Variants in LRRC37A2 observed in about 807,000 individuals in gnomAD.
LRRC37A2 encodes leucine rich repeat containing 37 member A2, also known as leucine-rich repeat-containing protein 37A2.
LRRC37A2 carries 9 observed loss-of-function variants against 68.8 expected under a neutral mutation model. The ratio of observed to expected loss-of-function variants is 0.13; its 90% CI spans 0.08 to 0.23. The LOEUF is 0.23. Among genes scored for constraint, LRRC37A2 ranks in the 10% least tolerant of loss-of-function variants. The pLI is 1.00. For missense variants in LRRC37A2, 168 were observed against 950.4 expected, an observed-to-expected ratio of 0.18 and a Z score of 10.82; for synonymous variants, 63 against 367.6, an observed-to-expected ratio of 0.17 and a Z score of 9.48.
chr17:46,901,066 C>G, the LRRC37A2 span, among the ~76,000 whole-genome samples: 1 of 152,184 alleles, frequency 6.6e-6, no homozygotes, highest in East Asian at 1.9e-4. Context: ...ATCTGAAAAA[C>G]TGGTTTCTGA....
At chr17:46,799,046 CA>C in the LRRC37A2 span, among the ~76,000 whole-genome samples, 20,354 of 93,178 alleles carry the variant, frequency 0.22, 1,493 homozygotes, top group South Asian at 0.39. Flanking sequence ...GACTCCGTCT[CA>C]AAAAAAAAAA....
chr17:46,867,516 G>A, the LRRC37A2 span, among the ~76,000 whole-genome samples: 1 of 152,246 alleles, frequency 6.6e-6, no homozygotes, highest in African/African-American at 2.4e-5. Flanking sequence ...CTTGGGGCAT[G>A]AGATCCTTGG....
At chr17:46,868,191 G>A in the LRRC37A2 span, among the ~76,000 whole-genome samples, 1 of 152,180 alleles carries the variant, frequency 6.6e-6, no homozygotes, top group Non-Finnish European at 1.5e-5. Context: ...AGAGCAATTA[G>A]CAAGTTGGCA....
At chr17:46,497,153 C>A in the LRRC37A2 span, among the ~76,000 whole-genome samples, 4 of 106,720 alleles carry the variant, frequency 3.7e-5, no homozygotes, top group Non-Finnish European at 8.0e-5. Context: ...CTCAACCTCC[C>A]AAAACGCTGG....
the LRRC37A2 span, among the ~76,000 whole-genome samples, chr17:46,925,266 A>G: frequency 2.0e-5 from 3 of 152,226 alleles, no homozygotes; most frequent in African/African-American, 4.8e-5. Flanking sequence ...TTCCAGTACA[A>G]TTTTATTTAT....
At chr17:46,762,780 A>G in the LRRC37A2 span, 1 of 152,172 alleles carries the variant, frequency 6.6e-6, no homozygotes, top group Non-Finnish European at 1.5e-5. Flanking sequence ...GGCGAGAATC[A>G]TTACAATGCA....
chr17:47,007,470 G>A, the LRRC37A2 span, among the ~76,000 whole-genome samples: 3 of 152,160 alleles, frequency 2.0e-5, no homozygotes, highest in Non-Finnish European at 2.9e-5. Context: ...GAGCCACTGC[G>A]CCTGGCCGCA....
the LRRC37A2 span, among the ~76,000 whole-genome samples, chr17:46,922,569 T>C: frequency 6.6e-6 from 1 of 152,228 alleles, no homozygotes; most frequent in Non-Finnish European, 1.5e-5. Flanking sequence ...TCTTATTTCC[T>C]TTCCCAGACC....
At chr17:46,836,977 C>G in the LRRC37A2 span, among the ~76,000 whole-genome samples, 1 of 152,114 alleles carries the variant, frequency 6.6e-6, no homozygotes, top group South Asian at 2.1e-4. Context: ...GAGTCTCGCT[C>G]TGTCGCCCAG....
At chr17:46,635,818 T>TGTGTGTGTGTGTGTGTGC in the LRRC37A2 span, among the ~76,000 whole-genome samples, 1 of 138,360 alleles carries the variant, frequency 7.2e-6, no homozygotes, top group African/African-American at 2.7e-5. Context: ...TGTGTGTGTG[T>TGTGTGTGTGTGTGTGTGC]GCTCGTGTGT....
the LRRC37A2 span, chr17:46,923,222 G>A: frequency 2.6e-6 from 4 of 1,550,972 alleles, no homozygotes; most frequent in Non-Finnish European, 3.5e-6. Context: ...AAACGCACAA[G>A]TGAGGGCCGG....
the LRRC37A2 span, chr17:46,722,011 T>C: frequency 1.4e-5 from 22 of 1,608,376 alleles, 1 homozygote; most frequent in Middle Eastern, 1.3e-3. Context: ...CACCACCAAC[T>C]TCAGTTTCCT....
At chr17:46,891,355 GA>G in the LRRC37A2 span, among the ~76,000 whole-genome samples, 87 of 152,330 alleles carry the variant, frequency 5.7e-4, 2 homozygotes, top group South Asian at 0.017. Context: ...GGCTCAGAGA[GA>G]TGAAGCCTCT....
At chr17:46,492,786 C>T in the LRRC37A2 span, among the ~76,000 whole-genome samples, 11 of 147,844 alleles carry the variant, frequency 7.4e-5, no homozygotes, top group South Asian at 4.2e-4. Context: ...CTCCGCCTCC[C>T]GGGTTCATGC....
the LRRC37A2 span, chr17:46,875,070 C>T: frequency 4.3e-6 from 7 of 1,613,352 alleles, no homozygotes; most frequent in African/African-American, 6.7e-5. Context: ...CCCCTTTCCT[C>T]CCTCCCTATG....
the LRRC37A2 span, among the ~76,000 whole-genome samples, chr17:46,896,452 A>AAAAGAAAGAAAG: frequency 3.9e-3 from 258 of 65,870 alleles, 2 homozygotes; most frequent in African/African-American, 0.01. Flanking sequence ...GAAAGAAAGA[A>AAAAGAAAGAAAG]AAAGAAAGAA....
chr17:46,500,989 G>A, the LRRC37A2 span, among the ~76,000 whole-genome samples: 2 of 151,118 alleles, frequency 1.3e-5, no homozygotes, highest in Non-Finnish European at 2.9e-5. Flanking sequence ...AGACCAGCCT[G>A]GCTAACATGG....
chr17:46,795,201 C>T, the LRRC37A2 span, among the ~76,000 whole-genome samples: 1 of 152,130 alleles, frequency 6.6e-6, no homozygotes, highest in Non-Finnish European at 1.5e-5. Context: ...GGCTTGTCTG[C>T]TCCCCCATAA....
the LRRC37A2 span, among the ~76,000 whole-genome samples, chr17:46,919,906 C>A: frequency 6.6e-6 from 1 of 151,956 alleles, no homozygotes; most frequent in East Asian, 1.9e-4. Flanking sequence ...AAGATTGCAC[C>A]ATTGCATTCC....
Sources: gnomAD v4.1 joint callset for allele counts (sites outside exome capture counted in the v4.1 genomes callset) on GRCh38, gnomAD v4.1.1 for gene constraint, MANE v1.5 for transcripts, NCBI Gene and HGNC (gene_info 2026-07-23, HGNC 2026-07-21) for gene names.